Variants in NASP observed in about 807,000 individuals in gnomAD.
NASP encodes the protein NASP histone chaperone.
A neutral mutation model predicts 89.5 loss-of-function variants in NASP; 24 were observed. That is an observed-to-expected ratio of 0.27 (90% CI 0.19 to 0.38). The LOEUF is 0.38. Among genes scored for constraint, NASP ranks in the 10% least tolerant of loss-of-function variants. The probability of loss-of-function intolerance (pLI) is 1.00; values close to 1 mark genes in which losing one functional copy is unlikely to be tolerated. For missense variants in NASP, 848 were observed against 921.4 expected (o/e 0.92, Z 1.03); for synonymous variants, 306 against 324.7 (o/e 0.94, Z 0.62).
intron 4 of NASP, among the ~76,000 whole-genome samples, chr1:45,606,006 C>A (rs1046900428): frequency 6.6e-6 from 1 of 152,108 alleles, no homozygotes; most frequent in African/African-American, 2.4e-5. Context: ...GAACTCCTGA[C>A]CTCAGGTGAT....
rs1205499080 is a variant in NASP, at chr1:45,618,621, T to G, written c.*480T>G. 6.5e-6 allele frequency: 1 copy of G among 155,014 alleles called. No individual in the cohort carries two copies. The highest frequency in any genetic ancestry group is 2.4e-5 in the African/African-American group (1 of 41,456). The allele number at this position is 155,014 out of a possible 1,614,324, so 9.6% of individuals were successfully genotyped here. ...GTTCTTGTCCTATATCCACCTAGTC[T>G]TCACCTGGGGCTATAATTCTGTCCT... On this transcript the variant is annotated 3_prime_UTR_variant, in exon 15 of 15. Coordinates refer to ENST00000350030, the MANE Select transcript of NASP (RefSeq NM_002482.4).
At chr1:45,593,546 A>C (rs1040718851) in intron 2 of NASP, among the ~76,000 whole-genome samples, 2 of 151,606 alleles carry the variant, frequency 1.3e-5, no homozygotes, top group African/African-American at 4.8e-5. Flanking sequence ...AAAAAAAAAA[A>C]AAAAAAAAAC....
chr1:45,616,745 A>C (rs1644112780), intron 13 of NASP, 42 bp downstream of exon 13: 1 of 1,566,930 alleles, frequency 6.4e-7, no homozygotes, highest in African/African-American at 1.4e-5. Flanking sequence ...GTTTCCTCAG[A>C]CTCCATTTTT....
intron 1 of NASP, among the ~76,000 whole-genome samples, chr1:45,586,293 GTGTGT>G (rs1557646651): frequency 0.052 from 5,027 of 96,814 alleles, 159 homozygotes; most frequent in East Asian, 0.1. Flanking sequence ...TGGTGTGTGT[GTGTGT>G]GTGTGTGTGT....
At position 45,618,194 on chromosome 1, in the gene NASP, T is replaced by C; in HGVS notation, c.*53T>C. On this transcript the variant is annotated 3_prime_UTR_variant, in exon 15 of 15. Coordinates refer to ENST00000350030, the MANE Select transcript of NASP (RefSeq NM_002482.4). ...AAAGTGTTTTTGTATATAATGTATT[T>C]TTTCACTTTTGGAGGATTCTTTTTG... 2.1e-6 allele frequency: 3 copies of C among 1,417,704 alleles called. No individual in the cohort carries two copies. Among genetic ancestry groups the C allele is most frequent in the Non-Finnish European group, 2.9e-6 (3 of 1,031,724 alleles). The allele number at this position is 1,417,704 out of a possible 1,614,324, so 87.8% of individuals were successfully genotyped here. A position where few individuals can be genotyped will look rare whatever the true frequency, so the allele number is the denominator to read the frequency against.
chr1:45,608,899 C>T (rs1280019854), intron 6 of NASP, among the ~76,000 whole-genome samples: 2 of 152,008 alleles, frequency 1.3e-5, no homozygotes, highest in African/African-American at 2.4e-5. Flanking sequence ...TTCTGGTGCC[C>T]CTCTTTAAGT....
In NASP at chr1:45,600,483, T is replaced by A. The variant is rs1231613231; in HGVS notation, c.108-1772T>A. On this transcript the variant is annotated intron_variant, in intron 2 of 14. Transcript: ENST00000350030. Reference sequence around the variant, plus strand: ...GTAAGTACTGTTTCTTTTTGTATAGTTTCTTTGATTCAGCATAATTATTTT... The same window carrying A: ...GTAAGTACTGTTTCTTTTTGTATAGATTCTTTGATTCAGCATAATTATTTT... 3.5e-6 allele frequency: 4 copies of A among 1,137,718 alleles called. No homozygotes were observed. The East Asian group carries it at 3.0e-4, about 86-fold the overall frequency. The allele number at this position is 1,137,718 out of a possible 1,614,324, so 70.5% of individuals were successfully genotyped here. A position where few individuals can be genotyped will look rare whatever the true frequency, so the allele number is the denominator to read the frequency against.
intron 1 of NASP, among the ~76,000 whole-genome samples, chr1:45,587,010 T>C (rs1644560385): frequency 6.6e-6 from 1 of 152,176 alleles, no homozygotes; most frequent in Non-Finnish European, 1.5e-5. Flanking sequence ...GAATTGGCTT[T>C]GATAGCAGCT....
At chr1:45,609,621 T>C (rs1467119321) in intron 6 of NASP, 2 of 152,238 alleles carry the variant, frequency 1.3e-5, no homozygotes, top group South Asian at 2.1e-4. Flanking sequence ...AATGGTAAGC[T>C]ACAATACAGA....
At chr1:45,593,745 C>T (rs990366651) in intron 2 of NASP, among the ~76,000 whole-genome samples, 5 of 150,448 alleles carry the variant, frequency 3.3e-5, no homozygotes, top group Admixed American at 6.6e-5. Context: ...TAGCTTACAC[C>T]AGTAATCCCA....
intron 2 of NASP, among the ~76,000 whole-genome samples, chr1:45,601,145 A>G (rs1006462218): frequency 5.3e-5 from 8 of 152,146 alleles, no homozygotes; most frequent in African/African-American, 1.9e-4. Context: ...GTGTCTTTCA[A>G]AACCAAGTTT....
At chr1:45,596,939 C>T (rs1370833279) in intron 2 of NASP, among the ~76,000 whole-genome samples, 1 of 151,030 alleles carries the variant, frequency 6.6e-6, no homozygotes, top group Non-Finnish European at 1.5e-5. Context: ...GCTGAGATCG[C>T]ACTACTGCAC....
In NASP at chr1:45,607,340, G is replaced by A. The variant is rs1250476901; in HGVS notation, c.429G>A (p.Leu143=). ...DNIDEEAREE[L]REQVYDAMGE... The stretch of plus-strand genomic sequence containing the variant: ...ATGTAGAGGAAGCAAGGGAAGAGTT[G>A]AGAGAACAGGTTTATGACGCCATGG... The change falls in exon 6 of 15, where the codon TTG becomes TTA. Residue 143 remains leucine, a synonymous_variant. Coordinates refer to ENST00000350030, the MANE Select transcript of NASP (RefSeq NM_002482.4). The A allele has an allele frequency of 6.2e-7, 1 of 1,614,012 alleles. No individual in the cohort carries two copies. Among genetic ancestry groups the A allele is most frequent in the South Asian group, 1.1e-5 (1 of 91,066 alleles).
chr1:45,603,719 C>T (rs1643879287), intron 3 of NASP, among the ~76,000 whole-genome samples: 1 of 149,980 alleles, frequency 6.7e-6, no homozygotes, highest in Admixed American at 6.7e-5. Context: ...AAGTGATTCT[C>T]CTGCCTCTGC....
intron 2 of NASP, among the ~76,000 whole-genome samples, chr1:45,602,011 C>A (rs908901230): frequency 6.6e-6 from 1 of 152,084 alleles, no homozygotes; most frequent in African/African-American, 2.4e-5. Flanking sequence ...CTCGGCCTCC[C>A]AAAGTGCTGG....
rs773015144 is a variant in NASP, at chr1:45,608,172, A to G, written c.1261A>G (p.Ser421Gly). 6.2e-7 allele frequency: 1 copy of G among 1,614,180 alleles called. No homozygotes were observed. Among genetic ancestry groups the G allele is most frequent in the Non-Finnish European group, 8.5e-7 (1 of 1,180,012 alleles). Residue 421 changes from serine to glycine, a missense_variant, in exon 6 of 15, where the codon AGT (serine) becomes GGT (glycine). Around this residue, in one of 5 missense-constraint regions of NASP, gnomAD observed 464 missense variants for 469.4 expected, o/e 0.99. Coordinates refer to ENST00000350030, the MANE Select transcript of NASP (RefSeq NM_002482.4). ...GAAGGTCAGGGCAAAGCTGGTTCCT[A>G]GTCAGGAGGAGACTAAGCTGTCTGT... ...EEKVRAKLVPSQEETKLSVEE... is the reference protein window; with the variant it reads ...EEKVRAKLVPGQEETKLSVEE...
chr1:45,615,770 G>T (rs1002865932), intron 11 of NASP: 1 of 266,682 alleles, frequency 3.7e-6, no homozygotes, highest in Non-Finnish European at 7.0e-6. Flanking sequence ...GAAGTGTTTT[G>T]CATTTCAAAT....
chr1:45,613,400 C>A, intron 7 of NASP, 152 bp downstream of exon 7: 1 of 867,098 alleles, frequency 1.2e-6, no homozygotes, highest in Non-Finnish European at 1.7e-6. Flanking sequence ...CGCCTCACCT[C>A]AGCCTCTCAA....
At chr1:45,593,845 G>A (rs1042846694) in intron 2 of NASP, among the ~76,000 whole-genome samples, 3 of 139,106 alleles carry the variant, frequency 2.2e-5, no homozygotes, top group Non-Finnish European at 3.1e-5. Context: ...ATAGCAAGAC[G>A]CCATCTGTAC....
Sources: gnomAD v4.1 joint callset for allele counts (sites outside exome capture counted in the v4.1 genomes callset) on GRCh38, gnomAD v4.1.1 for gene constraint, gnomAD v4.1.1 regional missense constraint, MANE v1.5 for transcripts, NCBI Gene and HGNC (gene_info 2026-07-23, HGNC 2026-07-21) for gene names.